Variants in PXK observed in about 807,000 individuals in gnomAD.
PXK encodes the protein PX domain-containing protein kinase-like protein.
In PXK, 35 loss-of-function variants were observed where a neutral mutation model predicts 84.7. The ratio of observed to expected loss-of-function variants is 0.41; its 90% CI spans 0.32 to 0.55. PXK has a LOEUF of 0.55. Ranked by LOEUF, PXK falls within the 20% of genes least tolerant of loss-of-function variation. The pLI, the probability that PXK is intolerant of heterozygous loss-of-function variation, is 0.21. For missense variants in PXK, 634 were observed against 699.7 expected, an observed-to-expected ratio of 0.91 and a Z score of 1.06; for synonymous variants, 253 against 260.8, an observed-to-expected ratio of 0.97 and a Z score of 0.29.
chr3:58,346,024 T>C (rs2097809536), intron 1 of PXK, among the ~76,000 whole-genome samples: 1 of 152,194 alleles, frequency 6.6e-6, no homozygotes, highest in South Asian at 2.1e-4. Context: ...CTGCTGTGAG[T>C]ATGCCCTGTG....
intron 1 of PXK, among the ~76,000 whole-genome samples, chr3:58,336,071 A>ATATATATATTTTTTT (rs1284780630): frequency 1.9e-5 from 1 of 51,572 alleles, no homozygotes; most frequent in African/African-American, 1.0e-4. Flanking sequence ...ATATATATAT[A>ATATATATATTTTTTT]TTTTTTTTTT....
rs1404558844 is a variant in PXK, at chr3:58,333,974, T to C, written c.102+884T>C. On this transcript the variant is annotated intron_variant, in intron 1 of 17. Coordinates refer to ENST00000356151, the MANE Select transcript of PXK (RefSeq NM_017771.5). This position sits in a 1 kb window ranked among gnomAD's most constrained non-coding sequence, Gnocchi z 5.4. ...TGGAGCTATCAGCTAGTGGGACTTTTTTGGAAAAGTAATGAGTGAGGAGAG... is the reference window on the plus strand; with the variant it reads ...TGGAGCTATCAGCTAGTGGGACTTTCTTGGAAAAGTAATGAGTGAGGAGAG... Among the ~76,000 whole-genome samples, 1 of 152,136 alleles carries C rather than the reference T, an allele frequency of 6.6e-6. No homozygotes were observed. Among genetic ancestry groups the C allele is most frequent in the Non-Finnish European group, 1.5e-5 (1 of 68,028 alleles).
intron 4 of PXK, among the ~76,000 whole-genome samples, chr3:58,388,244 T>C (rs2098582400): frequency 6.6e-6 from 1 of 152,194 alleles, no homozygotes; most frequent in South Asian, 2.1e-4. Context: ...GTCCTCAGTT[T>C]ATCAGTGAGA....
intron 7 of PXK, 70 bp from the exon 8 acceptor site, chr3:58,394,928 C>A: frequency 8.4e-7 from 1 of 1,189,208 alleles, no homozygotes; most frequent in Non-Finnish European, 1.2e-6. Context: ...CTCTGCATAA[C>A]CAGATCCTGT....
chr3:58,376,375 A>G (rs2098442502), intron 3 of PXK, among the ~76,000 whole-genome samples: 1 of 152,162 alleles, frequency 6.6e-6, no homozygotes. Flanking sequence ...AGATTGTGTC[A>G]TTGCACTCCA....
At chr3:58,387,585 C>G (rs1028288752) in intron 4 of PXK, among the ~76,000 whole-genome samples, 6 of 152,070 alleles carry the variant, frequency 3.9e-5, no homozygotes, top group African/African-American at 1.4e-4. Context: ...AGAGTTCATT[C>G]CTACACGGAG....
chr3:58,403,462 C>T (rs1330498846), intron 12 of PXK, among the ~76,000 whole-genome samples: 1 of 152,124 alleles, frequency 6.6e-6, no homozygotes, highest in Admixed American at 6.5e-5. Flanking sequence ...TTACTGAACT[C>T]TAGAATAAAT....
At chr3:58,417,651 A>C (rs779365459) in intron 17 of PXK, among the ~76,000 whole-genome samples, 7 of 152,178 alleles carry the variant, frequency 4.6e-5, no homozygotes, top group African/African-American at 1.4e-4. Context: ...TTTCTGCAAA[A>C]GGTTGTTTTC....
In PXK at chr3:58,412,636, G is replaced by T. The variant is rs2060371360; in HGVS notation, c.1466-265G>T. On this transcript the variant is annotated intron_variant, in intron 16 of 17. Coordinates refer to ENST00000356151, the MANE Select transcript of PXK (RefSeq NM_017771.5). The surrounding 1 kb of genome is among the most constrained non-coding windows in gnomAD (Gnocchi z 6.2). ...GCCAATTGCCTAAGCTGTTGATGGT[G>T]CAAAGTTTCAAACCAGGCAGGCCAT... 6.6e-6 allele frequency among the ~76,000 whole-genome samples: 1 copy of T among 152,186 alleles called. No individual in the cohort carries two copies. Among genetic ancestry groups the T allele is most frequent in the African/African-American group, 2.4e-5 (1 of 41,446 alleles).
chr3:58,359,609 A>AT (rs1224735338), intron 1 of PXK, among the ~76,000 whole-genome samples: 1 of 151,918 alleles, frequency 6.6e-6, no homozygotes, highest in Non-Finnish European at 1.5e-5. Context: ...GTGATTTAAC[A>AT]TTTTTTCCCT....
intron 3 of PXK, among the ~76,000 whole-genome samples, chr3:58,380,838 T>G (rs550922061): frequency 7.7e-4 from 117 of 152,124 alleles, no homozygotes; most frequent in Middle Eastern, 3.2e-3. Flanking sequence ...GAAGAAAATG[T>G]ATCCCCAACT....
intron 1 of PXK, among the ~76,000 whole-genome samples, chr3:58,334,088 G>C (rs1425525513): frequency 1.3e-5 from 2 of 152,034 alleles, no homozygotes; most frequent in Non-Finnish European, 2.9e-5. Context: ...TGTGTTTGGG[G>C]GGTCATCATC....
In PXK at chr3:58,385,505, T is replaced by A. The variant is rs191685674; in HGVS notation, c.388+2805T>A. 2.1e-4 allele frequency among the ~76,000 whole-genome samples: 32 copies of A among 152,258 alleles called. No homozygotes were observed. The East Asian group carries it at 5.0e-3, about 24-fold the overall frequency. ...CTTCTCTAAGCAGGGCCGCTTTCCC[T>A]GTTTGTTTTTTGAGCAAGGGTCTCA... On this transcript the variant is annotated intron_variant, in intron 4 of 17. Transcript: ENST00000356151. This position sits in a 1 kb window ranked among gnomAD's most constrained non-coding sequence, Gnocchi z 5.1.
At chr3:58,424,412 A>T (rs889418790) in intron 17 of PXK, among the ~76,000 whole-genome samples, 1 of 152,192 alleles carries the variant, frequency 6.6e-6, no homozygotes, top group Non-Finnish European at 1.5e-5. Context: ...AAAGTAACTG[A>T]TAGATGGAAC....
At chr3:58,375,053 T>C (rs2098426379) in intron 3 of PXK, among the ~76,000 whole-genome samples, 1 of 152,104 alleles carries the variant, frequency 6.6e-6, no homozygotes, top group Non-Finnish European at 1.5e-5. Flanking sequence ...AAAAGTGAAA[T>C]GAAGCTTGAC....
At chr3:58,402,468 C>T (rs2058735537) in intron 12 of PXK, among the ~76,000 whole-genome samples, 1 of 149,908 alleles carries the variant, frequency 6.7e-6, no homozygotes. Flanking sequence ...CTTGCTCTGT[C>T]ACCCAGGCTG....
intron 9 of PXK, 48 bp from the exon 10 acceptor site, chr3:58,396,991 A>G (rs1576531791): frequency 1.3e-6 from 2 of 1,564,750 alleles, no homozygotes; most frequent in South Asian, 2.3e-5. Flanking sequence ...CTTGTCTTAT[A>G]TCTGAATGAG....
intron 17 of PXK, chr3:58,422,140 G>A: frequency 1.0e-6 from 1 of 985,358 alleles, no homozygotes; most frequent in Non-Finnish European, 1.2e-6. Context: ...GACCTTTCAG[G>A]AAGCTTGTGG....
chr3:58,354,301 A>G (rs1368139604), intron 1 of PXK, among the ~76,000 whole-genome samples: 1 of 152,126 alleles, frequency 6.6e-6, no homozygotes, highest in Non-Finnish European at 1.5e-5. Context: ...GTACCCCCAA[A>G]AAGACAGACG....
Sources: allele counts gnomAD v4.1 joint callset (sites outside exome capture counted in the v4.1 genomes callset), GRCh38; gene constraint gnomAD v4.1.1; non-coding constraint Gnocchi (gnomAD v3.1); transcripts MANE v1.5; gene names NCBI Gene and HGNC (gene_info 2026-07-23, HGNC 2026-07-21).